Variants in DNASE1 observed in about 807,000 individuals in gnomAD.
DNASE1 encodes deoxyribonuclease-1.
Under a neutral mutation model 33.9 loss-of-function variants are expected in DNASE1, and 40 were observed. That is an observed-to-expected ratio of 1.18 (90% CI 0.92 to 1.54). DNASE1 has a LOEUF of 1.54. Ranked by LOEUF, DNASE1 falls within the 40% of genes most tolerant of loss-of-function variation. The probability of loss-of-function intolerance (pLI) is 0.00; values close to 1 mark genes in which losing one functional copy is unlikely to be tolerated. For synonymous variants in DNASE1, 216 were observed against 160.0 expected, an observed-to-expected ratio of 1.35 and a Z score of -2.64; for missense variants, 518 against 372.6, an observed-to-expected ratio of 1.39 and a Z score of -3.21.
chr16:3,634,070 A>G (rs1434628297), intron 1 of DNASE1, among the ~76,000 whole-genome samples: 1 of 151,870 alleles, frequency 6.6e-6, no homozygotes, highest in East Asian at 1.9e-4. Context: ...TCGGCCTCCC[A>G]AAGTGCTGGG....
At chr16:3,664,585 G>C in exon 10 of DNASE1, 1 of 980,564 alleles carries the variant, frequency 1.0e-6, no homozygotes, top group Non-Finnish European at 1.5e-6. Flanking sequence ...TGACCCGAGG[G>C]ACGGTAGTGG....
At chr16:3,658,745 G>A, downstream of DNASE1, 1 of 1,568,780 alleles carries the variant, frequency 6.4e-7, no homozygotes, top group Non-Finnish European at 8.7e-7. Flanking sequence ...CAGGCTGGCA[G>A]GGCTGGTAGC....
chr16:3,651,425 C>T (rs112427560), upstream of DNASE1: 4 of 152,346 alleles, frequency 2.6e-5, no homozygotes, highest in African/African-American at 4.8e-5. Context: ...TGGCTGCCAG[C>T]ACCCATTCTC....
At chr16:3,643,747 TTTATTTTA>T (rs1416771655) in intron 1 of DNASE1, among the ~76,000 whole-genome samples, 5 of 152,272 alleles carry the variant, frequency 3.3e-5, no homozygotes, top group African/African-American at 9.6e-5. Flanking sequence ...GTTTTATTTT[TTTATTTTA>T]TTATTTTATT....
intron 1 of DNASE1, among the ~76,000 whole-genome samples, chr16:3,631,919 T>G (rs184607847): frequency 2.7e-4 from 41 of 152,362 alleles, no homozygotes; most frequent in African/African-American, 9.4e-4. Context: ...AGTAACATGT[T>G]TAACTATTTT....
chr16:3,650,340 A>G (rs574010477), upstream of DNASE1, among the ~76,000 whole-genome samples: 176 of 152,288 alleles, frequency 1.2e-3, 1 homozygote, highest in African/African-American at 4.2e-3. Flanking sequence ...GGAAACGTAA[A>G]TGAATATTCT....
Position 3,664,185 on chromosome 16 carries a change from G to A in DNASE1, c.*6232G>A, listed in dbSNP as rs1234523268. 4 of 1,367,264 alleles carry A rather than the reference G, an allele frequency of 2.9e-6. No homozygotes were observed. In the African/African-American group the frequency reaches 5.9e-5, roughly 20 times the overall value. 84.7% of individuals were successfully genotyped at this position (1,367,264 alleles called of 1,614,324 possible). On this transcript the variant is annotated 3_prime_UTR_variant, in exon 10 of 10. Coordinates refer to the DNASE1 transcript ENST00000407479. Reference sequence around the variant, plus strand: ...ACTGTGCAGCCCTGCCCGGAGTCTTGGGCAGGTTCACCCAGCACAGAGCTG... The same window carrying A: ...ACTGTGCAGCCCTGCCCGGAGTCTTAGGCAGGTTCACCCAGCACAGAGCTG...
chr16:3,615,441 A>T (rs1347944197), intron 1 of DNASE1, among the ~76,000 whole-genome samples: 1 of 152,202 alleles, frequency 6.6e-6, no homozygotes, highest in East Asian at 1.9e-4. Flanking sequence ...GAAGTCACCC[A>T]GTATGACTAA....
chr16:3,622,225 A>C (rs114977953), intron 1 of DNASE1, among the ~76,000 whole-genome samples: 303 of 152,080 alleles, frequency 2.0e-3, no homozygotes, highest in African/African-American at 6.8e-3. Context: ...AAAAAAAAAA[A>C]AAAAAAACGG....
At chr16:3,615,220 T>A (rs552732396) in intron 1 of DNASE1, among the ~76,000 whole-genome samples, 4 of 152,302 alleles carry the variant, frequency 2.6e-5, no homozygotes, top group Non-Finnish European at 5.9e-5. Flanking sequence ...ACAAACACTG[T>A]AGGCTAAGTA....
intron 1 of DNASE1, 49 bp from the exon 2 acceptor site, chr16:3,655,324 G>C: frequency 1.2e-6 from 2 of 1,611,660 alleles, no homozygotes; most frequent in Admixed American, 1.7e-5. Flanking sequence ...TGCTGTGGCA[G>C]GGATGACGTC....
chr16:3,657,600 T>G (rs1362041104), intron 7 of DNASE1, 120 bp from the exon 8 acceptor site: 2 of 1,410,422 alleles, frequency 1.4e-6, no homozygotes, highest in Non-Finnish European at 9.8e-7. Context: ...GGGTGTGCAG[T>G]TTTGGGCACC....
At chr16:3,628,643 C>T (rs970565747) in intron 1 of DNASE1, among the ~76,000 whole-genome samples, 1 of 151,318 alleles carries the variant, frequency 6.6e-6, no homozygotes, top group African/African-American at 2.4e-5. Flanking sequence ...TTGCAAACCT[C>T]CGCCTCCCGG....
At chr16:3,630,113 C>T (rs2151175928) in intron 1 of DNASE1, among the ~76,000 whole-genome samples, 1 of 152,000 alleles carries the variant, frequency 6.6e-6, no homozygotes, top group South Asian at 2.1e-4. Flanking sequence ...CCACCACGCC[C>T]AGCCCTTGTT....
Position 3,657,174 on chromosome 16 carries a change from C to T in DNASE1, c.550-13C>T, listed in dbSNP as rs370513422. 19 of 1,613,962 alleles carry T rather than the reference C, an allele frequency of 1.2e-5. No individual in the cohort carries two copies. Among genetic ancestry groups the T allele is most frequent in the East Asian group, 8.9e-5 (4 of 44,888 alleles). On this transcript the variant is annotated splice_polypyrimidine_tract_variant and intron_variant, in intron 6 of 8. Transcript: ENST00000246949. ...CCGCATGTCCCAGGGCCACAGGCAG[C>T]GTTTCCTGGTAGGACGTCATGTTGA...
chr16:3,663,903 A>G (rs766367015), exon 10 of DNASE1: 1 of 354,658 alleles, frequency 2.8e-6, no homozygotes, highest in Non-Finnish European at 5.2e-6. Context: ...TCTCTATTAA[A>G]AATACAAAAA....
chr16:3,658,834 G>A (rs139636268), downstream of DNASE1: 113 of 1,613,868 alleles, frequency 7.0e-5, 2 homozygotes, highest in East Asian at 7.6e-4. Flanking sequence ...TCGCTTGCGC[G>A]CAGCTGATTC....
At position 3,657,009 on chromosome 16, in the gene DNASE1, G is replaced by A. The variant is rs2042701005; in HGVS notation, c.447G>A (p.Glu149=). Reference sequence around the variant, plus strand: ...TGGCTGTCTCCACAGAGGTCAGGGAGTTTGCCATTGTTCCCCTGCATGCGG... The same window carrying A: ...TGGCTGTCTCCACAGAGGTCAGGGAATTTGCCATTGTTCCCCTGCATGCGG... The part of the protein sequence containing the change: ...RFFSRFTEVR[E]FAIVPLHAAP... The change falls in exon 6 of 9, where the codon GAG becomes GAA. Residue 149 remains glutamate, a synonymous_variant. Coordinates refer to ENST00000246949, the MANE Select transcript of DNASE1 (RefSeq NM_005223.4). 6.2e-7 allele frequency: 1 copy of A among 1,613,562 alleles called. No individual in the cohort carries two copies. Among genetic ancestry groups the A allele is most frequent in the Admixed American group, 1.7e-5 (1 of 59,982 alleles).
chr16:3,620,957 A>G (rs113418498), intron 1 of DNASE1, among the ~76,000 whole-genome samples: 9,530 of 151,596 alleles, frequency 0.063, 317 homozygotes, highest in Admixed American at 0.077. Flanking sequence ...CCTGCACCAC[A>G]CCTGGTTAAT....
Sources: gnomAD v4.1 joint callset for allele counts (sites outside exome capture counted in the v4.1 genomes callset) on GRCh38, gnomAD v4.1.1 for gene constraint, MANE v1.5 for transcripts, NCBI Gene and HGNC (gene_info 2026-07-23, HGNC 2026-07-21) for gene names.